Variants in ABCA12 observed in about 807,000 individuals in gnomAD.
The protein encoded by ABCA12 is ATP binding cassette subfamily A member 12, also known as glucosylceramide transporter ABCA12.
ABCA12 carries 156 observed loss-of-function variants against 293.5 expected under a neutral mutation model. The ratio of observed to expected loss-of-function variants is 0.53; its 90% CI spans 0.47 to 0.61. ABCA12 has a LOEUF of 0.61. ABCA12 is among the 20% of genes least tolerant of loss of function. The pLI is 0.00. For synonymous variants in ABCA12, 1,063 were observed against 1,108.0 expected (o/e 0.96, Z 0.81); for missense variants, 2,797 against 3,090.2 (o/e 0.91, Z 2.25).
chr2:214,981,986 T>A lies in ABCA12; in HGVS notation c.4579+201A>T, dbSNP rs553158827. 4.6e-3 allele frequency among the ~76,000 whole-genome samples: 593 copies of A among 129,916 alleles called. 9 individuals are homozygous for A. Among genetic ancestry groups the A allele is most frequent in the African/African-American group, 0.018 (574 of 32,010 alleles). The allele number at this position is 129,916 out of a possible 152,430, so 85.2% of individuals were successfully genotyped here. A position where few individuals can be genotyped will look rare whatever the true frequency, so the allele number is the denominator to read the frequency against. ...TTATTATTATTATTATTATTATTAT[T>A]TTATTATTATTGACAGCGTCTCACT... On this transcript the variant is annotated intron_variant, in intron 30 of 52. Coordinates refer to ENST00000272895, the MANE Select transcript of ABCA12 (RefSeq NM_173076.3).
intron 11 of ABCA12, chr2:215,025,442 T>G: frequency 2.2e-6 from 1 of 465,104 alleles, no homozygotes; most frequent in Non-Finnish European, 3.8e-6. Flanking sequence ...ATTACAGGCA[T>G]GAGCCACGGC....
intron 2 of ABCA12, among the ~76,000 whole-genome samples, chr2:215,079,777 T>G (rs1196133215): frequency 6.6e-6 from 1 of 152,186 alleles, no homozygotes; most frequent in Non-Finnish European, 1.5e-5. Flanking sequence ...AATAAAATGT[T>G]TAGGGAAATA....
rs192829209 is a variant in ABCA12, at chr2:215,072,741, G to A, written c.164-8522C>T. Among the ~76,000 whole-genome samples, 4 of 152,286 alleles carry A rather than the reference G, an allele frequency of 2.6e-5. No individual in the cohort carries two copies. The East Asian group carries it at 7.7e-4, about 29-fold the overall frequency. On this transcript the variant is annotated intron_variant, in intron 2 of 52. Coordinates refer to ENST00000272895, the MANE Select transcript of ABCA12 (RefSeq NM_173076.3). The stretch of plus-strand genomic sequence containing the variant: ...ATAAACTCCCTTGTGAACTGAATCT[G>A]GGGGAAGTTTAAAAATAAAAATCTC...
At chr2:214,938,893 C>G (rs1367312586) in intron 50 of ABCA12, among the ~76,000 whole-genome samples, 1 of 152,064 alleles carries the variant, frequency 6.6e-6, no homozygotes, top group Non-Finnish European at 1.5e-5. Flanking sequence ...AAAATTTTCT[C>G]CCGTTCTGTA....
Position 214,976,022 on chromosome 2 carries a change from CTT to C in ABCA12, c.5142_5143del (p.Gly1716ArgfsTer79). ...TCCAAAGCCATCCAGCCTCTCTCCT[CTT>C]GTCAGGATTTTGTCTGATTAAGAAA... On this transcript the variant is annotated frameshift_variant, in exon 34 of 53. Transcript: ENST00000272895. LOFTEE classifies it high-confidence loss of function. 6.2e-7 allele frequency: 1 copy of C among 1,614,032 alleles called. No homozygotes were observed. The highest frequency in any genetic ancestry group is 8.5e-7 in the Non-Finnish European group (1 of 1,179,974).
At chr2:214,940,593 C>G (rs747104348) in intron 50 of ABCA12, among the ~76,000 whole-genome samples, 12 of 152,144 alleles carry the variant, frequency 7.9e-5, no homozygotes, top group Non-Finnish European at 1.6e-4. Context: ...CCATCTGGTC[C>G]TGGGCTTTTT....
chr2:214,951,821 A>G (rs894683895), intron 44 of ABCA12, among the ~76,000 whole-genome samples: 2 of 152,090 alleles, frequency 1.3e-5, no homozygotes, highest in East Asian at 1.9e-4. Context: ...TAGAAACAGC[A>G]TAAGATCTAC....
chr2:215,018,936 A>C (rs1255923162), intron 13 of ABCA12, among the ~76,000 whole-genome samples: 1 of 152,218 alleles, frequency 6.6e-6, no homozygotes, highest in Non-Finnish European at 1.5e-5. Flanking sequence ...ATACTAATAG[A>C]AAGTTCTGAA....
In ABCA12 at chr2:215,041,948, C is replaced by A. The variant is rs77780658; in HGVS notation, c.872+3889G>T. ...CACAAAGCAAAATACTACAAAATTT[C>A]TTGTATGGGAAGTATCTAAAATAGT... is the stretch of plus-strand genomic sequence containing the variant. On this transcript the variant is annotated intron_variant, in intron 7 of 52. Transcript: ENST00000272895. Among the ~76,000 whole-genome samples, 632 of 152,174 alleles carry A rather than the reference C, an allele frequency of 4.2e-3. 4 individuals carry two copies. The highest frequency in any genetic ancestry group is 0.014 in the African/African-American group (588 of 41,522).
chr2:215,041,072 T>C (rs1471496146), intron 7 of ABCA12, among the ~76,000 whole-genome samples: 2 of 152,084 alleles, frequency 1.3e-5, no homozygotes, highest in Non-Finnish European at 2.9e-5. Flanking sequence ...TCAAGTGTTC[T>C]CACCACAAAA....
chr2:214,992,009 T>C (rs185506814), intron 23 of ABCA12, among the ~76,000 whole-genome samples: 1 of 152,124 alleles, frequency 6.6e-6, no homozygotes, highest in Non-Finnish European at 1.5e-5. Context: ...TGTGCACATG[T>C]ATCCCATAAC....
At chr2:215,109,368 G>A (rs995716053) in intron 2 of ABCA12, among the ~76,000 whole-genome samples, 1 of 152,090 alleles carries the variant, frequency 6.6e-6, no homozygotes, top group African/African-American at 2.4e-5. Context: ...TAATCTCCCT[G>A]TGTTGCAGGT....
At chr2:215,046,103 T>A in intron 6 of ABCA12, 88 bp from the exon 7 acceptor site, 2 of 1,388,364 alleles carry the variant, frequency 1.4e-6, no homozygotes, top group African/African-American at 1.4e-5. Context: ...ATCAAAAATC[T>A]AGATTTTCAC....
At chr2:214,998,524 T>C (rs1206852254) in intron 22 of ABCA12, among the ~76,000 whole-genome samples, 1 of 152,210 alleles carries the variant, frequency 6.6e-6, no homozygotes, top group African/African-American at 2.4e-5. Context: ...TGGAAGATGC[T>C]TTATACATGG....
Position 215,120,614 on chromosome 2 carries a change from G to C in ABCA12, c.70-8924C>G, listed in dbSNP as rs191630458. Among the ~76,000 whole-genome samples the C allele has an allele frequency of 4.4e-3, 675 of 152,240 alleles. 2 individuals are homozygous for C. The highest frequency in any genetic ancestry group is 6.5e-3 in the Non-Finnish European group (441 of 68,002). ...GATCCACAGATGGGGAAGAGAAGGG[G>C]ATAGTCCAGGAACAGAAATAAGTCC... On this transcript the variant is annotated intron_variant, in intron 1 of 52. Coordinates refer to ENST00000272895, the MANE Select transcript of ABCA12 (RefSeq NM_173076.3).
intron 1 of ABCA12, among the ~76,000 whole-genome samples, chr2:215,120,807 G>C (rs10932590): frequency 0.034 from 5,216 of 152,060 alleles, 145 homozygotes; most frequent in African/African-American, 0.065. Context: ...CTTTCTTCCC[G>C]TAACTACTGC....
Position 214,975,879 on chromosome 2 carries a change from C to T in ABCA12, c.5287G>A (p.Gly1763Ser), listed in dbSNP as rs1470778553. ...LPIVFVTTAM[G>S]LGTLRNSSNS... is the part of the protein sequence containing the mutation. ...CTGGAATTTCTCAGTGTGCCAAGGC[C>T]CATGGCAGTGGTAACAAAGACGATG... The change falls in exon 34 of 53, where the codon GGC becomes AGC. Residue 1763 changes from glycine (G) to serine (S), a missense_variant. Physicochemically the swap from Gly to Ser is moderately conservative, Grantham distance 56. Transcript: ENST00000272895. 1.2e-6 allele frequency: 2 copies of T among 1,613,900 alleles called. No homozygotes were observed. The highest frequency in any genetic ancestry group is 1.3e-5 in the African/African-American group (1 of 74,874).
At chr2:215,011,887 T>A in intron 16 of ABCA12, 84 bp downstream of exon 16, 18 of 1,293,414 alleles carry the variant, frequency 1.4e-5, no homozygotes, top group Non-Finnish European at 2.0e-5. Context: ...TTCAATGTAC[T>A]ACGATTGAAG....
At chr2:215,128,072 A>G (rs1702965552) in intron 1 of ABCA12, among the ~76,000 whole-genome samples, 1 of 152,222 alleles carries the variant, frequency 6.6e-6, no homozygotes, top group African/African-American at 2.4e-5. Flanking sequence ...TTTGCTGGAT[A>G]CAAAATTCTT....
Sources: allele counts gnomAD v4.1 joint callset (sites outside exome capture counted in the v4.1 genomes callset), GRCh38; gene constraint gnomAD v4.1.1; transcripts MANE v1.5; gene names NCBI Gene and HGNC (gene_info 2026-07-23, HGNC 2026-07-21).